The following LRMDA variants were observed in gnomAD, a reference collection of about 807,000 sequenced individuals.
The protein encoded by LRMDA is leucine rich melanocyte differentiation associated.
Under a neutral mutation model 29.8 loss-of-function variants are expected in LRMDA, and 18 were observed. That is an observed-to-expected ratio of 0.60 (90% confidence interval 0.42 to 0.90). LRMDA has a LOEUF of 0.90. LRMDA is among the 40% of genes least tolerant of loss of function. The probability of loss-of-function intolerance (pLI) is 0.00; values close to 1 mark genes in which losing one functional copy is unlikely to be tolerated. For missense variants in LRMDA, 273 were observed against 273.9 expected (o/e 1.00, Z 0.02); for synonymous variants, 125 against 109.4 (o/e 1.14, Z -0.89).
chr10:76,154,204 A>T (rs899579201), intron 5 of LRMDA, among the ~76,000 whole-genome samples: 1 of 152,128 alleles, frequency 6.6e-6, no homozygotes, highest in African/African-American at 2.4e-5. Flanking sequence ...ACTCCTTCTG[A>T]TGGATACATC....
chr10:75,703,511 T>C (rs1842332650), intron 2 of LRMDA, among the ~76,000 whole-genome samples: 1 of 152,256 alleles, frequency 6.6e-6, no homozygotes, highest in Non-Finnish European at 1.5e-5. Flanking sequence ...TACCCAGTAG[T>C]TATGAAGCAG....
chr10:75,630,502 G>C, intron 2 of LRMDA, among the ~76,000 whole-genome samples: 1 of 152,194 alleles, frequency 6.6e-6, no homozygotes, highest in East Asian at 1.9e-4. Context: ...GGGCCTAGTA[G>C]TGCCAGGTTT....
At chr10:75,442,469 A>G (rs1844339599) in intron 2 of LRMDA, among the ~76,000 whole-genome samples, 1 of 152,214 alleles carries the variant, frequency 6.6e-6, no homozygotes, top group Non-Finnish European at 1.5e-5. Flanking sequence ...TTTCTTCCAC[A>G]TATGGATATC....
chr10:75,708,618 G>A (rs533813550), intron 2 of LRMDA, among the ~76,000 whole-genome samples: 1 of 152,214 alleles, frequency 6.6e-6, no homozygotes, highest in East Asian at 1.9e-4. Flanking sequence ...GAGGCATGGG[G>A]TTAACAACAA....
chr10:76,439,705 G>T (rs962395645), intron 6 of LRMDA, among the ~76,000 whole-genome samples: 1 of 152,194 alleles, frequency 6.6e-6, no homozygotes, highest in Non-Finnish European at 1.5e-5. Context: ...GTGCCACTGC[G>T]CCTGCACCCA....
At chr10:76,432,289 C>T (rs954747103) in intron 6 of LRMDA, among the ~76,000 whole-genome samples, 1 of 152,046 alleles carries the variant, frequency 6.6e-6, no homozygotes, top group African/African-American at 2.4e-5. Flanking sequence ...TCCACAGAGC[C>T]CTGAGCTGTA....
At chr10:75,884,076 G>A (rs1845338899) in intron 2 of LRMDA, among the ~76,000 whole-genome samples, 3 of 151,584 alleles carry the variant, frequency 2.0e-5, no homozygotes, top group Admixed American at 2.0e-4. Context: ...TCTTTTTTTA[G>A]TAGACATACG....
At chr10:75,814,683 T>A (rs575831903) in intron 2 of LRMDA, among the ~76,000 whole-genome samples, 3 of 152,240 alleles carry the variant, frequency 2.0e-5, no homozygotes, top group Non-Finnish European at 4.4e-5. Context: ...TGAAAATGAT[T>A]CCCCTCTTGG....
chr10:76,160,181 A>G (rs1850618387), intron 5 of LRMDA, among the ~76,000 whole-genome samples: 1 of 151,650 alleles, frequency 6.6e-6, no homozygotes, highest in Admixed American at 6.6e-5. Flanking sequence ...TTGCTTTCGA[A>G]TTTAAAACTG....
chr10:76,527,866 C>A (rs895624370), intron 6 of LRMDA, among the ~76,000 whole-genome samples: 6 of 152,020 alleles, frequency 3.9e-5, no homozygotes, highest in African/African-American at 1.4e-4. Flanking sequence ...CTGGTGAAGC[C>A]ATATTGAGCA....
chr10:75,546,010 G>A (rs1436882626), intron 2 of LRMDA, among the ~76,000 whole-genome samples: 2 of 152,184 alleles, frequency 1.3e-5, no homozygotes, highest in African/African-American at 4.8e-5. Context: ...AATGGAAAGA[G>A]CAGAAGCTTT....
intron 2 of LRMDA, among the ~76,000 whole-genome samples, chr10:75,996,039 A>C (rs1847456146): frequency 6.6e-6 from 1 of 152,242 alleles, no homozygotes; most frequent in Non-Finnish European, 1.5e-5. Context: ...ACCCATGTTT[A>C]AGCCCATGAA....
intron 2 of LRMDA, among the ~76,000 whole-genome samples, chr10:75,442,445 TAA>T (rs1027715017): frequency 9.8e-5 from 15 of 152,372 alleles, no homozygotes; most frequent in African/African-American, 3.6e-4. Flanking sequence ...TGGTGTGAGA[TAA>T]GAGATCAGTT....
At chr10:75,919,176 G>A (rs953266092) in intron 2 of LRMDA, among the ~76,000 whole-genome samples, 3 of 152,178 alleles carry the variant, frequency 2.0e-5, no homozygotes, top group Admixed American at 1.3e-4. Context: ...GCCGGGATGC[G>A]AAGCTGGGCA....
rs115483787 is a variant in LRMDA, at chr10:75,502,834, C to T, written c.131+64340C>T. Among the ~76,000 whole-genome samples, 485 of 152,244 alleles carry T rather than the reference C, an allele frequency of 3.2e-3. 4 individuals carry two copies. Among genetic ancestry groups the T allele is most frequent in the African/African-American group, 0.011 (471 of 41,516 alleles). On this transcript the variant is annotated intron_variant, in intron 2 of 6. Coordinates refer to ENST00000611255, the MANE Select transcript of LRMDA (RefSeq NM_001305581.2). Reference sequence around the variant, plus strand: ...CTCCATGTCATGGAAGTTTTGCAGGCACACTTCTCCTCCTTCTTGCCCTGA... The same window carrying T: ...CTCCATGTCATGGAAGTTTTGCAGGTACACTTCTCCTCCTTCTTGCCCTGA...
At chr10:75,490,371 A>G (rs899192306) in intron 2 of LRMDA, among the ~76,000 whole-genome samples, 2 of 149,628 alleles carry the variant, frequency 1.3e-5, no homozygotes, top group Non-Finnish European at 2.9e-5. Context: ...ACACACACAC[A>G]CACAGAGTCA....
intron 2 of LRMDA, among the ~76,000 whole-genome samples, chr10:75,701,968 C>A (rs549706245): frequency 1.3e-5 from 2 of 152,110 alleles, no homozygotes; most frequent in Non-Finnish European, 2.9e-5. Context: ...ATGCTTCGGC[C>A]GCATGTTTCT....
chr10:76,091,253 T>C (rs1028901192), intron 5 of LRMDA, among the ~76,000 whole-genome samples: 17 of 151,640 alleles, frequency 1.1e-4, no homozygotes, highest in Non-Finnish European at 7.4e-5. Context: ...CCCAAACTGT[T>C]CTCCTGAAAT....
At position 76,047,260 on chromosome 10, in the gene LRMDA, C is replaced by G; in HGVS notation, c.355C>G (p.Leu119Val). Residue 119 changes from leucine to valine, a missense_variant, in exon 4 of 7, where the codon CTG becomes GTG. Leu to Val is a conservative substitution (Grantham distance 32). Coordinates refer to ENST00000611255, the MANE Select transcript of LRMDA (RefSeq NM_001305581.2). ...LLGNVACPNELVSLEKDEEDY... is the reference protein window; with the variant it reads ...LLGNVACPNEVVSLEKDEEDY... ...GGGCAACGTGGCCTGTCCCAACGAG[C>G]TGGTCAGCTTGGAAAAGGATGAGGA... is the stretch of plus-strand genomic sequence containing the variant. 1 of 1,613,970 alleles carries G rather than the reference C, an allele frequency of 6.2e-7. No homozygotes were observed. The highest frequency in any genetic ancestry group is 1.1e-5 in the South Asian group (1 of 91,042).
Sources: gnomAD v4.1 joint callset for allele counts (sites outside exome capture counted in the v4.1 genomes callset) on GRCh38, gnomAD v4.1.1 for gene constraint, MANE v1.5 for transcripts, NCBI Gene and HGNC (gene_info 2026-07-23, HGNC 2026-07-21) for gene names.